The following ICA1L variants were observed in gnomAD, a reference collection of about 807,000 sequenced individuals.
ICA1L encodes the protein islet cell autoantigen 1 like.
In ICA1L, 50 loss-of-function variants were observed where a neutral mutation model predicts 61.3. The observed-to-expected ratio is 0.82, with a 90% CI of 0.65 to 1.03. ICA1L has a LOEUF of 1.03. ICA1L is among the 50% of genes least tolerant of loss of function. ICA1L has a pLI of 0.00. For missense variants in ICA1L, 508 were observed against 556.7 expected (o/e 0.91, Z 0.88); for synonymous variants, 161 against 191.3 (o/e 0.84, Z 1.31).
chr2:202,836,775 ATT>A (rs1694158671), intron 1 of ICA1L, among the ~76,000 whole-genome samples: 1 of 149,978 alleles, frequency 6.7e-6, no homozygotes, highest in African/African-American at 2.4e-5. Flanking sequence ...AGGTTATACA[ATT>A]TGTTAGTGTG....
Position 202,773,370 on chromosome 2 carries a change from C to G in ICA1L, c.*6163G>C, listed in dbSNP as rs1692112444. The G allele has an allele frequency of 6.2e-6, 1 of 161,218 alleles. No homozygotes were observed. The highest frequency in any genetic ancestry group is 1.4e-5 in the Non-Finnish European group (1 of 73,420). 10.0% of individuals were successfully genotyped at this position (161,218 alleles called of 1,614,324 possible). A position where few individuals can be genotyped will look rare whatever the true frequency, so the allele number is the denominator to read the frequency against. Reference sequence around the variant, plus strand: ...TATTTCAGTCATCCCTAACATGTGACTACCAAAGACCTTGAAGCTAAACAA... The same window carrying G: ...TATTTCAGTCATCCCTAACATGTGAGTACCAAAGACCTTGAAGCTAAACAA... On this transcript the variant is annotated 3_prime_UTR_variant, in exon 13 of 13. Coordinates refer to ENST00000358299, the MANE Select transcript of ICA1L (RefSeq NM_001288622.3).
At chr2:202,797,049 G>C in intron 9 of ICA1L, 85 bp from the exon 10 acceptor site, 1 of 784,552 alleles carries the variant, frequency 1.3e-6, no homozygotes, top group Non-Finnish European at 2.0e-6. Context: ...ATTAGGTCAA[G>C]TGTTCAATTG....
chr2:202,789,079 C>A lies in ICA1L; in HGVS notation c.994G>T (p.Asp332Tyr), dbSNP rs1692672802. The change falls in exon 11 of 13, where the codon GAT becomes TAT. Residue 332 changes from aspartate (D) to tyrosine (Y), a missense_variant. Coordinates refer to ENST00000358299, the MANE Select transcript of ICA1L (RefSeq NM_001288622.3). ...QFSNSENVAK[D>Y]LPVDSLEGED... ...CCTTCCAATGAATCTACAGGTAGAT[C>A]TTTTGCAACTATTGAGTGTAAATAA... The A allele has an allele frequency of 1.2e-6, 2 of 1,607,480 alleles. No individual in the cohort carries two copies. Among genetic ancestry groups the A allele is most frequent in the Non-Finnish European group, 8.5e-7 (1 of 1,177,644 alleles).
chr2:202,844,522 C>T (rs947889537), intron 1 of ICA1L: 3 of 152,214 alleles, frequency 2.0e-5, no homozygotes, highest in African/African-American at 4.8e-5. Context: ...AAATAATCTT[C>T]ATAACCGAGC....
Position 202,774,045 on chromosome 2 carries a change from G to A in ICA1L, c.*5488C>T. On this transcript the variant is annotated 3_prime_UTR_variant, in exon 13 of 13. Coordinates refer to ENST00000358299, the MANE Select transcript of ICA1L (RefSeq NM_001288622.3). Reference sequence around the variant, plus strand: ...ATGAACTAGCGCTGCTCCACTTCTTGCTTCTTTGATGTGTCATCCTAGCTG... The same window carrying A: ...ATGAACTAGCGCTGCTCCACTTCTTACTTCTTTGATGTGTCATCCTAGCTG... 1.1e-6 allele frequency: 1 copy of A among 905,918 alleles called. No individual in the cohort carries two copies. The highest frequency in any genetic ancestry group is 1.6e-5 in the South Asian group (1 of 63,136). 56.1% of individuals were successfully genotyped at this position (905,918 alleles called of 1,614,324 possible).
At chr2:202,811,888 C>A in intron 8 of ICA1L, 99 bp from the exon 9 acceptor site, 1 of 827,434 alleles carries the variant, frequency 1.2e-6, no homozygotes, top group South Asian at 1.5e-5. Flanking sequence ...ATTTTCTACT[C>A]AGGAAACATA....
At chr2:202,805,168 C>T (rs1336953955) in intron 9 of ICA1L, among the ~76,000 whole-genome samples, 8 of 152,014 alleles carry the variant, frequency 5.3e-5, no homozygotes, top group Non-Finnish European at 1.2e-4. Flanking sequence ...CAAATTCATA[C>T]AGACAAAAAG....
chr2:202,838,850 T>C (rs1694228774), intron 1 of ICA1L, among the ~76,000 whole-genome samples: 1 of 152,146 alleles, frequency 6.6e-6, no homozygotes, highest in Non-Finnish European at 1.5e-5. Flanking sequence ...AGCTTTTCCT[T>C]ATGGTGGAAA....
At chr2:202,864,634 T>G in intron 1 of ICA1L, among the ~76,000 whole-genome samples, 1 of 152,022 alleles carries the variant, frequency 6.6e-6, no homozygotes, top group East Asian at 1.9e-4. Flanking sequence ...TATATGTGTG[T>G]GTGTGTGTGT....
At chr2:202,828,746 A>G in intron 2 of ICA1L, 102 bp downstream of exon 2, 1 of 915,482 alleles carries the variant, frequency 1.1e-6, no homozygotes, top group Non-Finnish European at 1.7e-6. Flanking sequence ...TCAAATTTGC[A>G]TTTATCCTCA....
At chr2:202,803,502 A>T (rs1224084332) in intron 9 of ICA1L, among the ~76,000 whole-genome samples, 1 of 151,956 alleles carries the variant, frequency 6.6e-6, no homozygotes, top group East Asian at 1.9e-4. Context: ...AAAGCTAGTT[A>T]TGCTCTACTA....
At chr2:202,807,056 T>C (rs1184279001) in intron 9 of ICA1L, among the ~76,000 whole-genome samples, 1 of 152,188 alleles carries the variant, frequency 6.6e-6, no homozygotes, top group Non-Finnish European at 1.5e-5. Context: ...GCAAGCTGGC[T>C]TAATAGAACT....
chr2:202,811,504 A>C (rs953887788), intron 9 of ICA1L, among the ~76,000 whole-genome samples: 5 of 150,816 alleles, frequency 3.3e-5, no homozygotes, highest in African/African-American at 1.2e-4. Context: ...CTAAAAATAC[A>C]AAAAAAAATT....
intron 9 of ICA1L, among the ~76,000 whole-genome samples, chr2:202,806,122 G>C (rs1050559941): frequency 1.3e-5 from 2 of 152,110 alleles, no homozygotes; most frequent in African/African-American, 4.8e-5. Context: ...CAGCCAGCCA[G>C]CCAAGGAAGT....
At chr2:202,871,095 G>C (rs1214869565) in intron 1 of ICA1L, 1 of 152,056 alleles carries the variant, frequency 6.6e-6, no homozygotes, top group Non-Finnish European at 1.5e-5. Context: ...TTTATCCATC[G>C]GTTGCCAATT....
chr2:202,861,401 CAAAAAAAAA>C lies in ICA1L; in HGVS notation c.-8+10209_-8+10217del, dbSNP rs61240847. ...GCCTGGGTACACGGCGAGACTATCT[CAAAAAAAAA>C]AAAAAAAAAAAAAAAAAAGACATAG... is the stretch of plus-strand genomic sequence containing the variant. On this transcript the variant is annotated intron_variant, in intron 1 of 12. Transcript: ENST00000358299. Among the ~76,000 whole-genome samples, 140 of 21,726 alleles carry C rather than the reference CAAAAAAAAA, an allele frequency of 6.4e-3. 2 individuals are homozygous for C. Among genetic ancestry groups the C allele is most frequent in the African/African-American group, 0.031 (124 of 3,990 alleles). The allele number at this position is 21,726 out of a possible 152,430, so 14.3% of individuals were successfully genotyped here.
chr2:202,788,430 G>A (rs1249940880), intron 11 of ICA1L, among the ~76,000 whole-genome samples: 1 of 152,150 alleles, frequency 6.6e-6, no homozygotes, highest in Non-Finnish European at 1.5e-5. Context: ...CTCTTCTCCT[G>A]CTGCCTTGCC....
intron 1 of ICA1L, chr2:202,860,298 GATA>G (rs10528964): frequency 9.8e-6 from 1 of 102,506 alleles, no homozygotes; most frequent in Non-Finnish European, 2.1e-5. Context: ...TAATAATAAT[GATA>G]ATAATAATAA....
intron 1 of ICA1L, among the ~76,000 whole-genome samples, chr2:202,835,940 A>G (rs1384603081): frequency 6.6e-6 from 1 of 152,202 alleles, no homozygotes; most frequent in Non-Finnish European, 1.5e-5. Flanking sequence ...AGAGTTTTCT[A>G]AATATAAAAT....
Sources: allele counts gnomAD v4.1 joint callset (sites outside exome capture counted in the v4.1 genomes callset), GRCh38; gene constraint gnomAD v4.1.1; transcripts MANE v1.5; gene names NCBI Gene and HGNC (gene_info 2026-07-23, HGNC 2026-07-21).